The following AGO2 variants were observed in gnomAD, a reference collection of about 807,000 sequenced individuals.
AGO2 encodes argonaute RISC catalytic component 2, also known as protein argonaute-2.
AGO2 carries 5 observed loss-of-function variants against 102.3 expected under a neutral mutation model. The observed-to-expected ratio is 0.05, with a 90% CI of 0.03 to 0.10. AGO2 has a LOEUF of 0.10. Ranked by LOEUF, AGO2 falls within the 10% of genes least tolerant of loss-of-function variation. The pLI is 1.00. For synonymous variants in AGO2, 449 were observed against 473.1 expected, an observed-to-expected ratio of 0.95 and a Z score of 0.66; for missense variants, 541 against 1,183.7, an observed-to-expected ratio of 0.46 and a Z score of 7.97.
chr8:140,539,530 G>T lies in AGO2; in HGVS notation c.2035-76C>A. 1 of 1,513,758 alleles carries T rather than the reference G, an allele frequency of 6.6e-7. No homozygotes were observed. The highest frequency in any genetic ancestry group is 9.0e-7 in the Non-Finnish European group (1 of 1,117,302). 93.8% of individuals were successfully genotyped at this position (1,513,758 alleles called of 1,614,324 possible). ...AGCAACGGTCCCACGTGCGGGTTCTGGGTTGAGAACACCCAGCCGTGGTGA... is the reference window on the plus strand; with the variant it reads ...AGCAACGGTCCCACGTGCGGGTTCTTGGTTGAGAACACCCAGCCGTGGTGA... On this transcript the variant is annotated intron_variant, in intron 15 of 18. Transcript: ENST00000220592. This position sits in a 1 kb window ranked among gnomAD's most constrained non-coding sequence, Gnocchi z 4.7.
intron 16 of AGO2, among the ~76,000 whole-genome samples, chr8:140,538,425 G>A (rs1054114515): frequency 6.6e-6 from 1 of 152,204 alleles, no homozygotes; most frequent in African/African-American, 2.4e-5. Context: ...GGACAGGTGT[G>A]AGTTTCTTTT....
chr8:140,639,634 A>G (rs1269971293), upstream of AGO2, among the ~76,000 whole-genome samples: 1 of 150,172 alleles, frequency 6.7e-6, no homozygotes, highest in Non-Finnish European at 1.5e-5. Context: ...TTAGCTGAAC[A>G]TGGTGGCACA....
At chr8:140,593,715 C>T (rs2073780064) in intron 1 of AGO2, among the ~76,000 whole-genome samples, 1 of 151,976 alleles carries the variant, frequency 6.6e-6, no homozygotes, top group South Asian at 2.1e-4. Flanking sequence ...AGGTACAATG[C>T]AGACCCCTTC....
chr8:140,598,249 TC>T (rs2073878342), intron 1 of AGO2, among the ~76,000 whole-genome samples: 1 of 152,104 alleles, frequency 6.6e-6, no homozygotes, highest in East Asian at 1.9e-4. Context: ...GAGAACAACT[TC>T]CAGGGCTTTA....
rs2072767813 is a variant in AGO2, at chr8:140,540,033, T to C, written c.2035-579A>G. Among the ~76,000 whole-genome samples the C allele has an allele frequency of 6.6e-6, 1 of 152,056 alleles. No homozygotes were observed. Among genetic ancestry groups the C allele is most frequent in the African/African-American group, 2.4e-5 (1 of 41,380 alleles). On this transcript the variant is annotated intron_variant, in intron 15 of 18. Coordinates refer to ENST00000220592, the MANE Select transcript of AGO2 (RefSeq NM_012154.5). This position sits in a 1 kb window ranked among gnomAD's most constrained non-coding sequence, Gnocchi z 5.0. ...TGAACCCGGGAGGTGGAGGTTGCAG[T>C]GAGCCGAGATCCTGCCACTGCACTC...
chr8:140,579,969 G>A lies in AGO2; in HGVS notation c.215+5150C>T, dbSNP rs184335653. ...GGGGCCACTTGACGGAGCTCAAGAC[G>A]AACAAGGAGGAAGAGGGGCAGGGGA... On this transcript the variant is annotated intron_variant, in intron 2 of 18. Transcript: ENST00000220592. 5.3e-5 allele frequency among the ~76,000 whole-genome samples: 8 copies of A among 152,352 alleles called. 1 individual carries two copies. Among genetic ancestry groups the A allele is most frequent in the Admixed American group, 1.3e-4 (2 of 15,310 alleles).
intron 1 of AGO2, 100 bp downstream of exon 1, chr8:140,635,371 CGCCCCGACCCCGCG>C (rs1409998322): frequency 5.6e-6 from 4 of 710,768 alleles, no homozygotes; most frequent in East Asian, 2.7e-4. Flanking sequence ...CGGCCCCCGC[CGCCCCGACCCCGCG>C]GCCCCCCGAT....
At chr8:140,571,167 G>A (rs944707058) in intron 3 of AGO2, among the ~76,000 whole-genome samples, 5 of 152,116 alleles carry the variant, frequency 3.3e-5, no homozygotes, top group East Asian at 1.9e-4. Flanking sequence ...CAGTGACAAC[G>A]CACAGACCAC....
intron 1 of AGO2, chr8:140,626,546 CCAT>C (rs1472877590): frequency 2.0e-5 from 3 of 152,220 alleles, no homozygotes; most frequent in Non-Finnish European, 4.4e-5. Context: ...AGCACCACCA[CCAT>C]GAGGACGAGG....
intron 2 of AGO2, among the ~76,000 whole-genome samples, chr8:140,579,537 C>T (rs908452265): frequency 1.3e-5 from 2 of 152,102 alleles, no homozygotes; most frequent in African/African-American, 2.4e-5. Flanking sequence ...ACTTAGTTGC[C>T]TGTGTTTCTG....
chr8:140,541,331 T>C lies in AGO2; in HGVS notation c.1867A>G (p.Asn623Asp). ...AVVGSMDAHP[N>D]RYCATVRVQQ... ...ACGCGCACGGTGGCGCAGTAGCGAT[T>C]GGGGTGGGCGTCCATGCTGCCCACC... Residue 623 changes from asparagine to aspartate, a missense_variant, in exon 15 of 19, where the codon AAT becomes GAT. Physicochemically the swap from Asn to Asp is conservative, Grantham distance 23. Transcript: ENST00000220592. The C allele has an allele frequency of 6.2e-7, 1 of 1,610,538 alleles. No homozygotes were observed. Among genetic ancestry groups the C allele is most frequent in the Non-Finnish European group, 8.5e-7 (1 of 1,179,124 alleles).
chr8:140,548,982 C>T, intron 12 of AGO2, 132 bp downstream of exon 12: 4 of 1,137,940 alleles, frequency 3.5e-6, no homozygotes, highest in Non-Finnish European at 4.8e-6. Flanking sequence ...ACCTCTTCTT[C>T]CTCAGCCTCC....
rs1173247549 is a variant in AGO2 at position 140,551,281 on chromosome 8, C to A, written c.1403+22G>T. The A allele has an allele frequency of 4.7e-6, 7 of 1,498,092 alleles. No homozygotes were observed. The East Asian group carries it at 1.7e-4, about 37-fold the overall frequency. 92.8% of individuals were successfully genotyped at this position (1,498,092 alleles called of 1,614,324 possible). A position where few individuals can be genotyped will look rare whatever the true frequency, so the allele number is the denominator to read the frequency against. ...ATCGGGCAGCACCCCCAGGCCGGAGCCTCTGCCTGTGGGGGGCTTACTTCA... is the reference window on the plus strand; with the variant it reads ...ATCGGGCAGCACCCCCAGGCCGGAGACTCTGCCTGTGGGGGGCTTACTTCA... On this transcript the variant is annotated intron_variant, in intron 11 of 18. Transcript: ENST00000220592.
At chr8:140,585,022 A>G in intron 2 of AGO2, 97 bp downstream of exon 2, 1 of 1,261,392 alleles carries the variant, frequency 7.9e-7, no homozygotes, top group Non-Finnish European at 1.1e-6. Flanking sequence ...GAAAAAACCC[A>G]GATGGATCTG....
At chr8:140,591,713 CCT>C (rs1405993073) in intron 1 of AGO2, 1 of 152,186 alleles carries the variant, frequency 6.6e-6, no homozygotes, top group African/African-American at 2.4e-5. Context: ...GAAAGCCACC[CCT>C]GTGATCTTTA....
chr8:140,611,015 C>T (rs561477668), intron 1 of AGO2, among the ~76,000 whole-genome samples: 8 of 152,244 alleles, frequency 5.3e-5, no homozygotes, highest in African/African-American at 1.9e-4. Flanking sequence ...GCAGATCATT[C>T]GAGAGTTAAA....
At chr8:140,547,387 C>T in intron 13 of AGO2, 81 bp downstream of exon 13, 4 of 1,542,498 alleles carry the variant, frequency 2.6e-6, no homozygotes, top group Non-Finnish European at 3.5e-6. Flanking sequence ...GCCCCCCTGC[C>T]CCCTGCATAC....
At chr8:140,559,656 C>T in intron 5 of AGO2, 127 bp from the exon 6 acceptor site, 2 of 1,267,720 alleles carry the variant, frequency 1.6e-6, no homozygotes, top group South Asian at 1.4e-5. Context: ...GTTCTCACTC[C>T]CTACTGAGGC....
chr8:140,635,609 C>T lies in AGO2; in HGVS notation c.-103G>A. 4 of 827,906 alleles carry T rather than the reference C, an allele frequency of 4.8e-6. No individual in the cohort carries two copies. Among genetic ancestry groups the T allele is most frequent in the South Asian group, 5.3e-5 (1 of 18,802 alleles). The allele number at this position is 827,906 out of a possible 1,614,324, so 51.3% of individuals were successfully genotyped here. On this transcript the variant is annotated 5_prime_UTR_variant, in exon 1 of 19. Transcript: ENST00000220592. The stretch of plus-strand genomic sequence containing the variant: ...GGAGCCGCCGGCCGCACGATCCGCC[C>T]CGGCGCGGCCGCCTCGCCAAACAGG...
Sources: gnomAD v4.1 joint callset for allele counts (sites outside exome capture counted in the v4.1 genomes callset) on GRCh38, gnomAD v4.1.1 for gene constraint, Gnocchi (gnomAD v3.1) non-coding constraint, MANE v1.5 for transcripts, NCBI Gene and HGNC (gene_info 2026-07-23, HGNC 2026-07-21) for gene names.